The following NEGR1 variants were observed in gnomAD, a reference collection of about 807,000 sequenced individuals.
NEGR1 encodes IgLON family member 4.
NEGR1 carries 10 observed loss-of-function variants against 40.9 expected under a neutral mutation model. The ratio of observed to expected loss-of-function variants is 0.24; its 90% CI spans 0.15 to 0.42. The LOEUF is 0.42. Among genes scored for constraint, NEGR1 ranks in the 10% least tolerant of loss-of-function variants. The pLI is 1.00. For synonymous variants in NEGR1, 185 were observed against 166.8 expected (o/e 1.11, Z -0.84); for missense variants, 352 against 438.9 (o/e 0.80, Z 1.77).
chr1:71,824,613 T>C (rs976611596), intron 2 of NEGR1, among the ~76,000 whole-genome samples: 5 of 152,092 alleles, frequency 3.3e-5, no homozygotes, highest in Middle Eastern at 3.4e-3. Context: ...TATTGTGTAA[T>C]CATCATCCAA....
At position 71,942,455 on chromosome 1, in the gene NEGR1, C is replaced by CTATCTA. The variant is rs1342537095; in HGVS notation, c.177-7145_177-7144insTAGATA. On this transcript the variant is annotated intron_variant, in intron 1 of 6. Transcript: ENST00000357731. ...ATGCACAACTTAAAATTCTTTAAAT[C>CTATCTA]TATATATATATATATATATATATAT... Among the ~76,000 whole-genome samples, 6 of 21,294 alleles carry CTATCTA rather than the reference C, an allele frequency of 2.8e-4. 1 individual carries two copies. Among genetic ancestry groups the CTATCTA allele is most frequent in the African/African-American group, 3.3e-4 (2 of 6,058 alleles). 14.0% of individuals were successfully genotyped at this position (21,294 alleles called of 152,430 possible). A position where few individuals can be genotyped will look rare whatever the true frequency, so the allele number is the denominator to read the frequency against.
chr1:71,696,967 T>C (rs190188377), intron 4 of NEGR1, among the ~76,000 whole-genome samples: 322 of 151,918 alleles, frequency 2.1e-3, no homozygotes, highest in South Asian at 0.019. Flanking sequence ...AGTATATAGA[T>C]TAGTCACTGA....
intron 4 of NEGR1, among the ~76,000 whole-genome samples, chr1:71,619,002 G>A (rs1222808510): frequency 6.6e-6 from 1 of 152,092 alleles, no homozygotes; most frequent in Non-Finnish European, 1.5e-5. Context: ...ACTGGCTCAA[G>A]AGGTTTCTAA....
Position 71,781,208 on chromosome 1 carries a change from C to T in NEGR1, c.410-4911G>A, listed in dbSNP as rs1656703920. On this transcript the variant is annotated intron_variant, in intron 2 of 6. Coordinates refer to ENST00000357731, the MANE Select transcript of NEGR1 (RefSeq NM_173808.3). ...AGAAGCCAGCATCACGGTGACTAAT[C>T]TGGATATCACAGGAGTCATATAAGC... Among the ~76,000 whole-genome samples, 3 of 152,172 alleles carry T rather than the reference C, an allele frequency of 2.0e-5. No individual in the cohort carries two copies. In the South Asian group the frequency reaches 6.2e-4, roughly 32 times the overall value.
chr1:71,783,034 A>G (rs2101726062), intron 2 of NEGR1, among the ~76,000 whole-genome samples: 1 of 152,152 alleles, frequency 6.6e-6, no homozygotes, highest in South Asian at 2.1e-4. Flanking sequence ...TTTAAAATCA[A>G]GAGAATTTGA....
intron 4 of NEGR1, among the ~76,000 whole-genome samples, chr1:71,685,317 A>G (rs1652992294): frequency 6.9e-6 from 1 of 145,296 alleles, no homozygotes; most frequent in African/African-American, 2.5e-5. Context: ...TAATTAATTG[A>G]CATTACTTTT....
Position 72,282,374 on chromosome 1 carries a change from G to A in NEGR1, c.121C>T (p.Pro41Ser). 6.2e-7 allele frequency: 1 copy of A among 1,613,940 alleles called. No individual in the cohort carries two copies. The highest frequency in any genetic ancestry group is 8.5e-7 in the Non-Finnish European group (1 of 1,179,936). The change falls in exon 1 of 7, where the codon CCC becomes TCC. Residue 41 changes from proline to serine, a missense_variant. Around this residue, in one of 5 missense-constraint regions of NEGR1, gnomAD observed 81 missense variants for 85.8 expected, o/e 0.94. Coordinates refer to ENST00000357731, the MANE Select transcript of NEGR1 (RefSeq NM_173808.3). Reference protein sequence around the residue: ...CLPAGQSVDFPWAAVDNMMVR... With the variant: ...CLPAGQSVDFSWAAVDNMMVR... ...ATCATGTTGTCCACGGCCGCCCAGG[G>A]GAAGTCCACACTCTGTCCAGCCGGG... is the stretch of plus-strand genomic sequence containing the variant.
chr1:72,020,286 C>T (rs1471337679), intron 1 of NEGR1, among the ~76,000 whole-genome samples: 2 of 152,150 alleles, frequency 1.3e-5, no homozygotes, highest in African/African-American at 4.8e-5. Context: ...CTGGAGCACA[C>T]TAGTTTGAAT....
At chr1:71,865,441 T>G (rs946843502) in intron 2 of NEGR1, among the ~76,000 whole-genome samples, 3 of 152,144 alleles carry the variant, frequency 2.0e-5, no homozygotes, top group African/African-American at 7.2e-5. Flanking sequence ...TGCAGGGACA[T>G]GGATGAGGCT....
intron 1 of NEGR1, among the ~76,000 whole-genome samples, chr1:72,010,570 G>A (rs1416370169): frequency 1.3e-5 from 2 of 151,812 alleles, no homozygotes; most frequent in African/African-American, 4.8e-5. Context: ...CTAAAGCATT[G>A]CAATATTCTC....
intron 1 of NEGR1, among the ~76,000 whole-genome samples, chr1:72,134,901 C>A (rs61331535): frequency 0.035 from 5,213 of 150,928 alleles, 316 homozygotes; most frequent in African/African-American, 0.12. Context: ...TAACACCCAG[C>A]TAATTTTGTA....
intron 1 of NEGR1, among the ~76,000 whole-genome samples, chr1:71,984,553 C>G (rs1476009335): frequency 1.3e-5 from 2 of 152,070 alleles, no homozygotes; most frequent in African/African-American, 4.8e-5. Flanking sequence ...TGGGATTAGG[C>G]TACATGTTTT....
intron 2 of NEGR1, among the ~76,000 whole-genome samples, chr1:71,859,203 C>T (rs575280441): frequency 2.6e-5 from 4 of 152,168 alleles, no homozygotes; most frequent in African/African-American, 9.6e-5. Context: ...CTTTCTTCCT[C>T]ACTCTGCTCC....
intron 6 of NEGR1, among the ~76,000 whole-genome samples, chr1:71,577,257 A>G (rs1268490754): frequency 6.6e-6 from 1 of 152,234 alleles, no homozygotes; most frequent in Non-Finnish European, 1.5e-5. Context: ...TAATGGTGAA[A>G]TAAAATGTAG....
Position 72,273,384 on chromosome 1 carries a change from A to G in NEGR1, c.176+8935T>C, listed in dbSNP as rs117955023. 9.8e-4 allele frequency among the ~76,000 whole-genome samples: 149 copies of G among 152,100 alleles called. No individual in the cohort carries two copies. The East Asian group carries it at 0.023, about 24-fold the overall frequency. On this transcript the variant is annotated intron_variant, in intron 1 of 6. Transcript: ENST00000357731. ...CAGAAATAAATGTTAGGAGGTCACA[A>G]TAGACATTTTGCTATTTTGAACTGT...
intron 2 of NEGR1, among the ~76,000 whole-genome samples, chr1:71,812,675 G>T (rs1658044850): frequency 6.6e-6 from 1 of 152,038 alleles, no homozygotes; most frequent in South Asian, 2.1e-4. Flanking sequence ...TTCAATGTTT[G>T]TGGGCTGCAT....
intron 1 of NEGR1, among the ~76,000 whole-genome samples, chr1:72,057,960 C>T (rs1432820149): frequency 2.6e-5 from 4 of 151,624 alleles, no homozygotes; most frequent in Non-Finnish European, 4.4e-5. Flanking sequence ...TGGGGTTTGG[C>T]GCTTCAAGAT....
intron 4 of NEGR1, among the ~76,000 whole-genome samples, chr1:71,684,763 C>T (rs2101614532): frequency 6.6e-6 from 1 of 152,290 alleles, no homozygotes; most frequent in African/African-American, 2.4e-5. Context: ...GAGGTACCTA[C>T]ATTGATTCCT....
intron 4 of NEGR1, among the ~76,000 whole-genome samples, chr1:71,668,694 T>C (rs1272585039): frequency 6.6e-6 from 1 of 152,066 alleles, no homozygotes; most frequent in Non-Finnish European, 1.5e-5. Context: ...CAACTGATAT[T>C]TCCTGGAAAC....
Sources: allele counts gnomAD v4.1 joint callset (sites outside exome capture counted in the v4.1 genomes callset), GRCh38; gene constraint gnomAD v4.1.1; regional missense constraint gnomAD v4.1.1; transcripts MANE v1.5; gene names NCBI Gene and HGNC (gene_info 2026-07-23, HGNC 2026-07-21).